SH3PXD2A: variants seen among roughly 807,000 people sequenced by gnomAD.
SH3PXD2A encodes SH3 and PX domain-containing protein 2A.
In SH3PXD2A, 32 loss-of-function variants were observed where a neutral mutation model predicts 115.2. That is an observed-to-expected ratio of 0.28 (90% CI 0.21 to 0.37). The LOEUF (loss-of-function observed/expected upper bound fraction) is 0.37. SH3PXD2A is among the 10% of genes least tolerant of loss of function. SH3PXD2A has a pLI of 1.00. For synonymous variants in SH3PXD2A, 610 were observed against 629.1 expected (o/e 0.97, Z 0.45); for missense variants, 1,328 against 1,498.7 (o/e 0.89, Z 1.88).
Position 103,746,389 on chromosome 10 carries a change from G to A in SH3PXD2A, c.230-10581C>T, listed in dbSNP as rs778214602. ...GCCTGGAGTGCAGGGGAGTGATCTC[G>A]GCTCACTGCAATCTCTGCCTCCCGG... On this transcript the variant is annotated intron_variant, in intron 3 of 14. Transcript: ENST00000369774. This position sits in a 1 kb window ranked among gnomAD's most constrained non-coding sequence, Gnocchi z 4.4. 2.0e-5 allele frequency among the ~76,000 whole-genome samples: 3 copies of A among 152,110 alleles called. No homozygotes were observed. The highest frequency in any genetic ancestry group is 3.9e-4 in the East Asian group (2 of 5,184).
intron 1 of SH3PXD2A, among the ~76,000 whole-genome samples, chr10:103,829,104 C>A (rs2134301188): frequency 6.6e-6 from 1 of 152,282 alleles, no homozygotes; most frequent in Admixed American, 6.5e-5. Context: ...TGGCCTTTTC[C>A]ATAATATTTG....
chr10:103,798,676 A>C (rs2039118054), intron 2 of SH3PXD2A, among the ~76,000 whole-genome samples: 2 of 152,176 alleles, frequency 1.3e-5, no homozygotes, highest in South Asian at 4.1e-4. Context: ...GGACTCTCAG[A>C]GTCAGCCAAA....
intron 8 of SH3PXD2A, among the ~76,000 whole-genome samples, chr10:103,629,650 T>C (rs1217903409): frequency 1.3e-5 from 2 of 152,198 alleles, no homozygotes; most frequent in Non-Finnish European, 2.9e-5. Context: ...AGAGGCGCCA[T>C]TCCTTCCACA....
intron 3 of SH3PXD2A, among the ~76,000 whole-genome samples, chr10:103,744,002 G>A (rs928969663): frequency 2.0e-5 from 3 of 152,156 alleles, no homozygotes; most frequent in Admixed American, 6.5e-5. Context: ...GAAGAACGGC[G>A]GAACAGCCTC....
rs1267986917 is a variant in SH3PXD2A, at chr10:103,719,967, G to A, written c.398+4303C>T. Reference sequence around the variant, plus strand: ...AGTCCTGACCTCAGGTGATCCACCCGCCTTGGGCTCCCAAAGTGCTGGGAT... The same window carrying A: ...AGTCCTGACCTCAGGTGATCCACCCACCTTGGGCTCCCAAAGTGCTGGGAT... On this transcript the variant is annotated intron_variant, in intron 5 of 14. Transcript: ENST00000369774. Among the ~76,000 whole-genome samples, 5 of 152,262 alleles carry A rather than the reference G, an allele frequency of 3.3e-5. No homozygotes were observed. In the East Asian group the frequency reaches 9.7e-4, roughly 29 times the overall value.
At chr10:103,753,626 G>C (rs1280773680) in intron 3 of SH3PXD2A, among the ~76,000 whole-genome samples, 1 of 151,948 alleles carries the variant, frequency 6.6e-6, no homozygotes, top group Non-Finnish European at 1.5e-5. Flanking sequence ...ACCCCTTCTA[G>C]CCTGTGAGTC....
At chr10:103,660,618 G>A (rs2037280701) in intron 8 of SH3PXD2A, among the ~76,000 whole-genome samples, 1 of 152,226 alleles carries the variant, frequency 6.6e-6, no homozygotes, top group African/African-American at 2.4e-5. Flanking sequence ...CCTGGACCCT[G>A]GACCCTGGCT....
chr10:103,855,004 G>C (rs1357918690), intron 1 of SH3PXD2A, among the ~76,000 whole-genome samples, 191 bp downstream of exon 1: 1 of 152,170 alleles, frequency 6.6e-6, no homozygotes, highest in Non-Finnish European at 1.5e-5. Context: ...CCGGGGGGGC[G>C]GGGGTGCGAA....
chr10:103,678,419 T>G (rs1013445302), intron 6 of SH3PXD2A, among the ~76,000 whole-genome samples: 1 of 151,960 alleles, frequency 6.6e-6, no homozygotes, highest in African/African-American at 2.4e-5. Context: ...GATGAGAGGG[T>G]CGGGAGTGTG....
In SH3PXD2A at chr10:103,737,898, C is replaced by T. The variant is rs868594062; in HGVS notation, c.230-2090G>A. Among the ~76,000 whole-genome samples the T allele has an allele frequency of 5.6e-4, 86 of 152,314 alleles. No individual in the cohort carries two copies. The Middle Eastern group carries it at 0.027, about 48-fold the overall frequency. On this transcript the variant is annotated intron_variant, in intron 3 of 14. Transcript: ENST00000369774. ...GCCCTGCTGAAGTCAGACAGTGGAACGTGTAACTGCATCCTATTGCATGTG... is the reference window on the plus strand; with the variant it reads ...GCCCTGCTGAAGTCAGACAGTGGAATGTGTAACTGCATCCTATTGCATGTG...
intron 2 of SH3PXD2A, among the ~76,000 whole-genome samples, chr10:103,775,548 G>C (rs1053951473): frequency 6.6e-6 from 1 of 152,188 alleles, no homozygotes; most frequent in Non-Finnish European, 1.5e-5. Flanking sequence ...GGCCTTCCAG[G>C]GGGAGGAATG....
chr10:103,796,452 C>T (rs922573884), intron 2 of SH3PXD2A, among the ~76,000 whole-genome samples: 4 of 150,932 alleles, frequency 2.7e-5, no homozygotes, highest in Non-Finnish European at 4.4e-5. Flanking sequence ...CCCAAGAATG[C>T]TCTTTCCTTC....
chr10:103,759,768 A>C (rs2038680514), intron 3 of SH3PXD2A, among the ~76,000 whole-genome samples: 2 of 152,236 alleles, frequency 1.3e-5, no homozygotes, highest in South Asian at 4.1e-4. Flanking sequence ...TGGATTTTCC[A>C]CAGTCATCTT....
intron 1 of SH3PXD2A, among the ~76,000 whole-genome samples, chr10:103,853,145 G>T (rs908157010): frequency 6.6e-6 from 1 of 152,174 alleles, no homozygotes; most frequent in African/African-American, 2.4e-5. Context: ...CTCGGGAAGC[G>T]GAGATGTCCC....
At chr10:103,733,215 G>T (rs2134183058) in intron 4 of SH3PXD2A, among the ~76,000 whole-genome samples, 1 of 152,190 alleles carries the variant, frequency 6.6e-6, no homozygotes, top group East Asian at 1.9e-4. Context: ...CACTTCAATG[G>T]CTCCCCCAGC....
intron 5 of SH3PXD2A, among the ~76,000 whole-genome samples, chr10:103,718,656 T>C (rs1266913771): frequency 6.6e-6 from 1 of 152,050 alleles, no homozygotes; most frequent in Non-Finnish European, 1.5e-5. Flanking sequence ...AATATTTAAA[T>C]GAATATTTAA....
intron 9 of SH3PXD2A, among the ~76,000 whole-genome samples, chr10:103,626,338 T>C (rs2036693849): frequency 1.3e-5 from 2 of 152,232 alleles, no homozygotes; most frequent in African/African-American, 4.8e-5. Context: ...CCTCTGGCTT[T>C]CAGACATCCA....
At chr10:103,708,932 T>C (rs538283351) in intron 5 of SH3PXD2A, among the ~76,000 whole-genome samples, 1 of 151,822 alleles carries the variant, frequency 6.6e-6, no homozygotes, top group African/African-American at 2.4e-5. Context: ...TCAGACCAGG[T>C]GACAGGCTCA....
chr10:103,739,657 C>T (rs562575136), intron 3 of SH3PXD2A, among the ~76,000 whole-genome samples: 16 of 152,314 alleles, frequency 1.1e-4, no homozygotes, highest in South Asian at 6.2e-4. Context: ...AGCCCGTTGA[C>T]GGCAGGGCTC....
Sources: allele counts gnomAD v4.1 joint callset (sites outside exome capture counted in the v4.1 genomes callset), GRCh38; gene constraint gnomAD v4.1.1; non-coding constraint Gnocchi (gnomAD v3.1); transcripts MANE v1.5; gene names NCBI Gene and HGNC (gene_info 2026-07-23, HGNC 2026-07-21).